The following TM2D1 variants were observed in gnomAD, a reference collection of about 807,000 sequenced individuals.
TM2D1 encodes the protein TM2 domain containing 1, also known as TM2 domain-containing protein 1.
Under a neutral mutation model 28.4 loss-of-function variants are expected in TM2D1, and 15 were observed. The observed-to-expected ratio is 0.53, with a 90% CI of 0.35 to 0.81. The LOEUF is 0.81. Among genes scored for constraint, TM2D1 ranks in the 40% least tolerant of loss-of-function variants. The pLI is 0.01. For missense variants in TM2D1, 236 were observed against 254.9 expected (o/e 0.93, Z 0.50); for synonymous variants, 93 against 96.2 (o/e 0.97, Z 0.20).
At chr1:61,688,760 T>C (rs1250671290) in intron 5 of TM2D1, among the ~76,000 whole-genome samples, 1 of 144,022 alleles carries the variant, frequency 6.9e-6, no homozygotes, top group Non-Finnish European at 1.5e-5. Flanking sequence ...AAAACTCCTC[T>C]GTGGCTGGGT....
intron 3 of TM2D1, among the ~76,000 whole-genome samples, chr1:61,706,738 G>T (rs919660537): frequency 6.6e-6 from 1 of 151,056 alleles, no homozygotes; most frequent in Non-Finnish European, 1.5e-5. Flanking sequence ...ACCCGGGAAG[G>T]TTCAGTGATG....
At chr1:61,689,675 T>C (rs907463131) in intron 5 of TM2D1, among the ~76,000 whole-genome samples, 9 of 152,172 alleles carry the variant, frequency 5.9e-5, no homozygotes, top group African/African-American at 1.9e-4. Flanking sequence ...ATATTTTGTT[T>C]CTAAAAATAA....
chr1:61,686,019 C>G (rs1644282923), intron 5 of TM2D1, among the ~76,000 whole-genome samples: 1 of 151,938 alleles, frequency 6.6e-6, no homozygotes, highest in Non-Finnish European at 1.5e-5. Context: ...TTTAAATAAC[C>G]AAATTAAGTC....
At chr1:61,706,873 C>G (rs1243183950) in intron 3 of TM2D1, among the ~76,000 whole-genome samples, 1 of 94,332 alleles carries the variant, frequency 1.1e-5, no homozygotes, top group South Asian at 3.4e-4. Context: ...AAATAGTAAA[C>G]TTTATTGTAA....
chr1:61,716,052 G>C (rs984610453), intron 2 of TM2D1, among the ~76,000 whole-genome samples: 14 of 151,454 alleles, frequency 9.2e-5, no homozygotes, highest in African/African-American at 3.2e-4. Flanking sequence ...TGATCCACCC[G>C]CCTCGGCCTC....
intron 2 of TM2D1, among the ~76,000 whole-genome samples, chr1:61,714,573 T>C (rs1000944063): frequency 2.6e-5 from 4 of 152,142 alleles, no homozygotes. Flanking sequence ...TTTCGCTTTA[T>C]TTTTGTGGCA....
chr1:61,705,746 C>A (rs1183374304), intron 3 of TM2D1, among the ~76,000 whole-genome samples: 1 of 152,108 alleles, frequency 6.6e-6, no homozygotes, highest in Non-Finnish European at 1.5e-5. Flanking sequence ...CTACATGGAA[C>A]AACTATGGCC....
At chr1:61,695,873 T>C (rs1282692541) in intron 4 of TM2D1, among the ~76,000 whole-genome samples, 1 of 152,194 alleles carries the variant, frequency 6.6e-6, no homozygotes, top group Non-Finnish European at 1.5e-5. Context: ...TACCTAACAT[T>C]TTATCTTTGA....
At chr1:61,717,296 A>T (rs532774744) in intron 2 of TM2D1, among the ~76,000 whole-genome samples, 1 of 151,800 alleles carries the variant, frequency 6.6e-6, no homozygotes, top group South Asian at 2.1e-4. Flanking sequence ...TGAACCTGGG[A>T]GGCAGAGCTT....
intron 4 of TM2D1, among the ~76,000 whole-genome samples, chr1:61,697,309 TTTTC>T (rs1026382089): frequency 3.3e-5 from 5 of 152,020 alleles, no homozygotes; most frequent in Non-Finnish European, 7.4e-5. Flanking sequence ...AGTTTCTTTC[TTTTC>T]TTTTTTTCTT....
intron 4 of TM2D1, chr1:61,700,025 A>G (rs1291075338): frequency 1.7e-6 from 2 of 1,145,536 alleles, no homozygotes; most frequent in Admixed American, 4.2e-5. Context: ...GCATTCAAAA[A>G]CTTTAAATTT....
intron 5 of TM2D1, among the ~76,000 whole-genome samples, chr1:61,687,952 C>T (rs1644295358): frequency 6.6e-6 from 1 of 152,186 alleles, no homozygotes; most frequent in South Asian, 2.1e-4. Context: ...TTTTTGTATC[C>T]ATATTTCACT....
chr1:61,721,957 A>T (rs1644571054), intron 2 of TM2D1, among the ~76,000 whole-genome samples: 2 of 144,872 alleles, frequency 1.4e-5, no homozygotes, highest in African/African-American at 5.1e-5. Context: ...CAGCTAAAAA[A>T]AAAAAAAAAA....
intron 3 of TM2D1, among the ~76,000 whole-genome samples, chr1:61,703,543 G>A (rs1305784275): frequency 1.4e-5 from 2 of 146,556 alleles, no homozygotes; most frequent in Non-Finnish European, 1.5e-5. Flanking sequence ...CTCCCAAGTA[G>A]CTGGGATTAC....
At chr1:61,701,634 G>C (rs984152344) in intron 3 of TM2D1, among the ~76,000 whole-genome samples, 7 of 151,578 alleles carry the variant, frequency 4.6e-5, no homozygotes, top group Non-Finnish European at 1.0e-4. Context: ...GTTAGAAAAA[G>C]TAGTAAGTGG....
At chr1:61,693,886 C>A (rs1457803358) in intron 5 of TM2D1, among the ~76,000 whole-genome samples, 1 of 152,174 alleles carries the variant, frequency 6.6e-6, no homozygotes, top group Non-Finnish European at 1.5e-5. Context: ...GTGAAAAATT[C>A]ATCTCTTTCT....
At chr1:61,686,357 A>G (rs1041384721) in intron 5 of TM2D1, among the ~76,000 whole-genome samples, 8 of 152,134 alleles carry the variant, frequency 5.3e-5, no homozygotes, top group African/African-American at 1.7e-4. Flanking sequence ...TTAGATCCAC[A>G]TTCCTTTGCC....
chr1:61,703,721 TATA>T (rs1644419934), intron 3 of TM2D1, among the ~76,000 whole-genome samples: 3 of 1,328 alleles, frequency 2.3e-3, no homozygotes, highest in Non-Finnish European at 6.9e-3. Flanking sequence ...CCAATCTTTA[TATA>T]TATATATATA....
chr1:61,701,556 CGTGTGT>C (rs60257971), intron 3 of TM2D1, among the ~76,000 whole-genome samples: 273 of 145,912 alleles, frequency 1.9e-3, no homozygotes, highest in Non-Finnish European at 2.4e-3. Flanking sequence ...AATTCTCTTT[CGTGTGT>C]GTGTGTGTGT....
Sources: gnomAD v4.1 joint callset for allele counts (sites outside exome capture counted in the v4.1 genomes callset) on GRCh38, gnomAD v4.1.1 for gene constraint, MANE v1.5 for transcripts, NCBI Gene and HGNC (gene_info 2026-07-23, HGNC 2026-07-21) for gene names.